Variants in ZEB2 observed in about 807,000 individuals in gnomAD.
The protein encoded by ZEB2 is zinc finger E-box-binding homeobox 2.
ZEB2 carries 6 observed loss-of-function variants against 99.9 expected under a neutral mutation model. The observed-to-expected ratio is 0.06, with a 90% CI of 0.03 to 0.12. The LOEUF (loss-of-function observed/expected upper bound fraction) is 0.12, where lower values mean the gene tolerates loss of function less well. ZEB2 is among the 10% of genes least tolerant of loss of function. The pLI, the probability that ZEB2 is intolerant of heterozygous loss-of-function variation, is 1.00. For synonymous variants in ZEB2, 517 were observed against 542.5 expected (o/e 0.95, Z 0.65); for missense variants, 969 against 1,502.8 (o/e 0.64, Z 5.87).
At chr2:144,512,805 A>T in intron 2 of ZEB2, 1 of 1,287,166 alleles carries the variant, frequency 7.8e-7, no homozygotes, top group Non-Finnish European at 1.0e-6. Context: ...GTGTGTGTGC[A>T]GCGTGACAAA....
At chr2:144,484,396 C>A (rs1330389623) in intron 2 of ZEB2, among the ~76,000 whole-genome samples, 1 of 152,128 alleles carries the variant, frequency 6.6e-6, no homozygotes, top group Admixed American at 6.5e-5. Flanking sequence ...GATTGGAAGG[C>A]AGGGCTGGGT....
rs143648355 is a variant in ZEB2, at chr2:144,387,045, GTATATATA to G, written c.*2398_*2405del. ...ATCCTTTCTGTGTATGTGTGTGTGTGTATATATATATATATATACACACACACACATAC... is the reference window on the plus strand; with the variant it reads ...ATCCTTTCTGTGTATGTGTGTGTGTGTATATATATACACACACACACATAC... On this transcript the variant is annotated 3_prime_UTR_variant, in exon 10 of 10. Coordinates refer to ENST00000627532, the MANE Select transcript of ZEB2 (RefSeq NM_014795.4). 1.4e-5 allele frequency: 2 copies of G among 139,478 alleles called. No individual in the cohort carries two copies. Among genetic ancestry groups the G allele is most frequent in the East Asian group, 2.2e-4 (1 of 4,608 alleles). The allele number at this position is 139,478 out of a possible 1,614,324, so 8.6% of individuals were successfully genotyped here. A position where few individuals can be genotyped will look rare whatever the true frequency, so the allele number is the denominator to read the frequency against.
At position 144,498,006 on chromosome 2, in the gene ZEB2, A is replaced by T. The variant is rs867857028; in HGVS notation, c.73+19272T>A. ...AATATATTAATATTATATATTATATAATATATTAATATTATATATTATATA... is the reference window on the plus strand; with the variant it reads ...AATATATTAATATTATATATTATATTATATATTAATATTATATATTATATA... On this transcript the variant is annotated intron_variant, in intron 2 of 9. Coordinates refer to ENST00000627532, the MANE Select transcript of ZEB2 (RefSeq NM_014795.4). 6.4e-4 allele frequency among the ~76,000 whole-genome samples: 4 copies of T among 6,224 alleles called. 2 individuals are homozygous for T. Among genetic ancestry groups the T allele is most frequent in the Admixed American group, 8.2e-3 (2 of 244 alleles). The allele number at this position is 6,224 out of a possible 152,430, so 4.1% of individuals were successfully genotyped here. A position where few individuals can be genotyped will look rare whatever the true frequency, so the allele number is the denominator to read the frequency against.
intron 2 of ZEB2, among the ~76,000 whole-genome samples, chr2:144,474,891 A>G (rs1704409985): frequency 1.3e-5 from 2 of 152,238 alleles, no homozygotes; most frequent in African/African-American, 4.8e-5. Flanking sequence ...AGAAAGAAAT[A>G]TAACATTTTT....
intron 3 of ZEB2, among the ~76,000 whole-genome samples, chr2:144,425,529 T>C (rs1703680914): frequency 6.6e-6 from 1 of 152,204 alleles, no homozygotes; most frequent in Non-Finnish European, 1.5e-5. Context: ...TAGGTAATCA[T>C]AATCATTTTC....
intron 7 of ZEB2, among the ~76,000 whole-genome samples, chr2:144,400,599 A>G (rs1210978588): frequency 2.0e-5 from 3 of 152,256 alleles, no homozygotes; most frequent in Non-Finnish European, 4.4e-5. Context: ...AAGATGTCAC[A>G]GTATTTAAAG....
chr2:144,488,670 A>AGTGTGT (rs57221448), intron 2 of ZEB2, among the ~76,000 whole-genome samples: 4,720 of 147,994 alleles, frequency 0.032, 84 homozygotes, highest in African/African-American at 0.048. Context: ...CTCGTGTGTG[A>AGTGTGT]GTGTGTGTGT....
intron 2 of ZEB2, chr2:144,511,806 A>T (rs988579938): frequency 1.6e-6 from 2 of 1,286,850 alleles, no homozygotes; most frequent in Admixed American, 4.6e-5. Context: ...AAAGAAGTAA[A>T]GAGGGGGAAT....
chr2:144,457,628 G>GATTAATCTAA lies in ZEB2; in HGVS notation c.74-27603_74-27602insTTAGATTAAT, dbSNP rs1311929849. 2.4e-4 allele frequency among the ~76,000 whole-genome samples: 36 copies of GATTAATCTAA among 152,282 alleles called. No individual in the cohort carries two copies. In the East Asian group the frequency reaches 6.2e-3, roughly 26 times the overall value. ...GGAGAAAAAGCAAGTTAGATATAAGGAAGAGGACCTGGTATGTAACAGGTA... is the reference window on the plus strand; with the variant it reads ...GGAGAAAAAGCAAGTTAGATATAAGGATTAATCTAAAAGAGGACCTGGTATGTAACAGGTA... On this transcript the variant is annotated intron_variant, in intron 2 of 9. Transcript: ENST00000627532.
rs758287624 is a variant in ZEB2, at chr2:144,399,228, C to T, written c.1959G>A (p.Lys653=). The T allele has an allele frequency of 1.2e-6, 2 of 1,614,046 alleles. No homozygotes were observed. Among genetic ancestry groups the T allele is most frequent in the South Asian group, 2.2e-5 (2 of 91,070 alleles). The change falls in exon 8 of 10, where the codon AAG becomes AAA. Residue 653 remains lysine, a synonymous_variant. Transcript: ENST00000627532. This position sits in a 1 kb window ranked among gnomAD's most constrained non-coding sequence, Gnocchi z 5.6. ...KGMTSPINPY[K]DHMSVLKAYY... ...ATGCTTTGAGTACAGACATGTGGTC[C>T]TTGTATGGGTTGATGGGGCTTGTCA...
chr2:144,390,357 G>A (rs1364508466), intron 9 of ZEB2, among the ~76,000 whole-genome samples: 2 of 152,294 alleles, frequency 1.3e-5, no homozygotes, highest in East Asian at 1.9e-4. Flanking sequence ...CATTTCTAGT[G>A]ATCTAGCACA....
intron 4 of ZEB2, among the ~76,000 whole-genome samples, chr2:144,415,548 T>A (rs1703528373): frequency 6.6e-6 from 1 of 152,180 alleles, no homozygotes; most frequent in African/African-American, 2.4e-5. Context: ...TAATAACCCA[T>A]CCCTTACAGA....
intron 4 of ZEB2, among the ~76,000 whole-genome samples, chr2:144,409,916 T>G (rs999037397): frequency 2.3e-4 from 34 of 150,556 alleles, no homozygotes; most frequent in East Asian, 3.9e-4. Context: ...AGTTGTTGTT[T>G]TTTTTTTTTT....
intron 2 of ZEB2, among the ~76,000 whole-genome samples, chr2:144,497,970 ATATATTATATAATATATTAATAT>A (rs1704798743): frequency 5.2e-4 from 1 of 1,940 alleles, no homozygotes; most frequent in East Asian, 0.026. Context: ...TATTAATATT[ATATATTATATAATATATTAATAT>A]TATATATTAT....
At chr2:144,507,139 A>G (rs1341437128) in intron 2 of ZEB2, among the ~76,000 whole-genome samples, 1 of 152,212 alleles carries the variant, frequency 6.6e-6, no homozygotes, top group Admixed American at 6.5e-5. Flanking sequence ...CTTCTTTTAC[A>G]CAGGATTTAA....
chr2:144,430,083 C>G (rs575672832), intron 2 of ZEB2, 57 bp from the exon 3 acceptor site: 2 of 1,602,856 alleles, frequency 1.2e-6, no homozygotes, highest in East Asian at 4.5e-5. Flanking sequence ...ACATCAGCCA[C>G]CCCTAATTGT....
intron 2 of ZEB2, among the ~76,000 whole-genome samples, chr2:144,480,608 G>A (rs1655865364): frequency 6.6e-6 from 1 of 151,766 alleles, no homozygotes; most frequent in Non-Finnish European, 1.5e-5. Context: ...GCTCTATTAC[G>A]CTATAAGTGG....
At chr2:144,400,294 GT>G (rs1479242349) in intron 7 of ZEB2, 24 bp from the exon 8 acceptor site, 3 of 1,599,868 alleles carry the variant, frequency 1.9e-6, no homozygotes, top group African/African-American at 1.3e-5. Flanking sequence ...TAAAATTACC[GT>G]TACATTTCCT....
chr2:144,396,592 C>G lies in ZEB2; in HGVS notation c.2887G>C (p.Gly963Arg). 1 of 1,613,174 alleles carries G rather than the reference C, an allele frequency of 6.2e-7. No individual in the cohort carries two copies. ...TCTTGTGCTCCATCAAGCAATTCTC[C>G]CTGCGATAGAATCACACAGTTCAAT... is the stretch of plus-strand genomic sequence containing the variant. Reference protein sequence around the residue: ...RKYQRKQGFQGELLDGAQDYM... With the variant: ...RKYQRKQGFQRELLDGAQDYM... The change falls in exon 9 of 10, where the codon GGA (glycine) becomes CGA (arginine). Residue 963 changes from glycine (G) to arginine (R), a missense_variant and splice_region_variant. By Grantham distance (125) the Gly-to-Arg change is moderately radical. Coordinates refer to ENST00000627532, the MANE Select transcript of ZEB2 (RefSeq NM_014795.4).
Sources: gnomAD v4.1 joint callset for allele counts (sites outside exome capture counted in the v4.1 genomes callset) on GRCh38, gnomAD v4.1.1 for gene constraint, Gnocchi (gnomAD v3.1) non-coding constraint, MANE v1.5 for transcripts, NCBI Gene and HGNC (gene_info 2026-07-23, HGNC 2026-07-21) for gene names.